Variants in TRAF3 observed in about 807,000 individuals in gnomAD.
The protein encoded by TRAF3 is TNF receptor-associated factor 3.
Under a neutral mutation model 62.3 loss-of-function variants are expected in TRAF3, and 13 were observed. The observed-to-expected ratio is 0.21, with a 90% CI of 0.14 to 0.33. TRAF3 has a LOEUF of 0.33. Ranked by LOEUF, TRAF3 falls within the 10% of genes least tolerant of loss-of-function variation. The probability of loss-of-function intolerance (pLI) is 1.00; values close to 1 mark genes in which losing one functional copy is unlikely to be tolerated. For synonymous variants in TRAF3, 269 were observed against 283.4 expected (o/e 0.95, Z 0.51); for missense variants, 440 against 741.8 (o/e 0.59, Z 4.73).
intron 1 of TRAF3, among the ~76,000 whole-genome samples, chr14:102,818,474 C>T (rs1899678864): frequency 6.6e-6 from 1 of 152,178 alleles, no homozygotes; most frequent in Non-Finnish European, 1.5e-5. Flanking sequence ...GATCAGGTGG[C>T]TGAGGCCTGG....
Position 102,907,052 on chromosome 14 carries a change from C to A in TRAF3, c.*1268C>A, listed in dbSNP as rs796600704. 1.1e-4 allele frequency: 17 copies of A among 152,364 alleles called. No homozygotes were observed. Among genetic ancestry groups the A allele is most frequent in the African/African-American group, 4.1e-4 (17 of 41,586 alleles). 9.4% of individuals were successfully genotyped at this position (152,364 alleles called of 1,614,324 possible). ...ACCTCTGCACCTGCTGAGGGGAAGC[C>A]AGGCTCCACCGTCGGCTTCTGGAGC... is the stretch of plus-strand genomic sequence containing the variant. On this transcript the variant is annotated 3_prime_UTR_variant, in exon 12 of 12. Transcript: ENST00000392745.
intron 9 of TRAF3, chr14:102,894,965 G>A (rs2139963231): frequency 5.1e-6 from 2 of 392,040 alleles, no homozygotes; most frequent in East Asian, 8.0e-5. Flanking sequence ...GCCTTCCAAA[G>A]TGCTGAGACT....
At chr14:102,835,023 C>T (rs1566764214) in intron 2 of TRAF3, among the ~76,000 whole-genome samples, 1 of 151,924 alleles carries the variant, frequency 6.6e-6, no homozygotes, top group Non-Finnish European at 1.5e-5. Context: ...TAATATCCAG[C>T]ATCTATAAGG....
chr14:102,854,614 C>T (rs59205498), intron 2 of TRAF3, among the ~76,000 whole-genome samples: 9,769 of 152,156 alleles, frequency 0.064, 1,016 homozygotes, highest in African/African-American at 0.22. Flanking sequence ...ATTCCCACCT[C>T]AGCCCCCCAG....
intron 2 of TRAF3, among the ~76,000 whole-genome samples, chr14:102,863,208 C>T (rs1887782252): frequency 6.6e-6 from 1 of 152,138 alleles, no homozygotes; most frequent in Non-Finnish European, 1.5e-5. Context: ...AAAACTGGAA[C>T]TTTTGAATTT....
rs1566815255 is a variant in TRAF3 at position 102,907,822 on chromosome 14, C to T, written c.*2038C>T. The T allele has an allele frequency of 6.6e-6, 1 of 152,426 alleles. No homozygotes were observed. Among genetic ancestry groups the T allele is most frequent in the Admixed American group, 6.5e-5 (1 of 15,292 alleles). The allele number at this position is 152,426 out of a possible 1,614,324, so 9.4% of individuals were successfully genotyped here. ...CGTTCCGTTGTTCTTATCTGCCTTT[C>T]CTTTCCCCGCTCTCCTGGGATTACT... On this transcript the variant is annotated 3_prime_UTR_variant, in exon 12 of 12. Coordinates refer to ENST00000392745, the MANE Select transcript of TRAF3 (RefSeq NM_145725.3).
rs1900705948 is a variant in TRAF3, at chr14:102,831,780, C to G, written c.-18+1308C>G. On this transcript the variant is annotated intron_variant, in intron 2 of 11. Coordinates refer to ENST00000392745, the MANE Select transcript of TRAF3 (RefSeq NM_145725.3). Reference sequence around the variant, plus strand: ...TTTTGGCCTGGGATTTTGAGAATATCTAATAGTGCTGGGCAGTTTTATCAT... The same window carrying G: ...TTTTGGCCTGGGATTTTGAGAATATGTAATAGTGCTGGGCAGTTTTATCAT... 2.0e-5 allele frequency among the ~76,000 whole-genome samples: 3 copies of G among 152,088 alleles called. No homozygotes were observed. In the South Asian group the frequency reaches 6.2e-4, roughly 31 times the overall value.
At chr14:102,784,550 G>C (rs367871538) in intron 1 of TRAF3, among the ~76,000 whole-genome samples, 1 of 152,190 alleles carries the variant, frequency 6.6e-6, no homozygotes, top group African/African-American at 2.4e-5. Context: ...TCCAGCTAGG[G>C]TCAATTGAGA....
Position 102,846,229 on chromosome 14 carries a change from A to C in TRAF3, c.-18+15757A>C, listed in dbSNP as rs568798752. Among the ~76,000 whole-genome samples, 27 of 152,254 alleles carry C rather than the reference A, an allele frequency of 1.8e-4. No individual in the cohort carries two copies. In the South Asian group the frequency reaches 5.6e-3, roughly 32 times the overall value. ...AAAGTGATTGAGATAGCTGTACCAG[A>C]AAAATCTTAAGTCGTGTTTATATTT... is the stretch of plus-strand genomic sequence containing the variant. On this transcript the variant is annotated intron_variant, in intron 2 of 11. Transcript: ENST00000392745.
chr14:102,899,168 G>GT (rs1280325919), intron 10 of TRAF3, among the ~76,000 whole-genome samples: 1 of 152,226 alleles, frequency 6.6e-6, no homozygotes, highest in Non-Finnish European at 1.5e-5. Context: ...CAACCGTGTG[G>GT]TTTTTTGAAA....
intron 10 of TRAF3, among the ~76,000 whole-genome samples, chr14:102,901,834 C>G (rs1418685016): frequency 6.6e-6 from 1 of 152,228 alleles, no homozygotes; most frequent in African/African-American, 2.4e-5. Flanking sequence ...AAATAGACTT[C>G]CAAAAGGAGA....
At chr14:102,870,561 C>G in intron 3 of TRAF3, 115 bp downstream of exon 3, 2 of 1,406,984 alleles carry the variant, frequency 1.4e-6, no homozygotes, top group African/African-American at 2.9e-5. Flanking sequence ...CTAAAGAAGT[C>G]CATAAAAGCC....
chr14:102,801,719 A>G (rs1461004156), intron 1 of TRAF3, among the ~76,000 whole-genome samples: 1 of 151,998 alleles, frequency 6.6e-6, no homozygotes, highest in Non-Finnish European at 1.5e-5. Flanking sequence ...AAAATTTTTA[A>G]TTAAAAAAAT....
intron 2 of TRAF3, among the ~76,000 whole-genome samples, chr14:102,852,036 C>T (rs900299451): frequency 6.0e-5 from 9 of 150,844 alleles, no homozygotes; most frequent in East Asian, 3.9e-4. Flanking sequence ...GCCTGGGTGA[C>T]GGCAAGAAAA....
chr14:102,883,500 G>A (rs977407394), intron 6 of TRAF3, among the ~76,000 whole-genome samples: 9 of 152,210 alleles, frequency 5.9e-5, no homozygotes, highest in African/African-American at 1.9e-4. Context: ...GGAGAGGTAG[G>A]TGCAGAAGAT....
At chr14:102,885,515 C>G (rs912807212) in intron 6 of TRAF3, among the ~76,000 whole-genome samples, 5 of 152,190 alleles carry the variant, frequency 3.3e-5, no homozygotes, top group African/African-American at 1.2e-4. Flanking sequence ...CATGGACAGG[C>G]ACCCAGCAGG....
intron 2 of TRAF3, among the ~76,000 whole-genome samples, chr14:102,831,159 GGT>G (rs1227509295): frequency 2.0e-5 from 3 of 152,104 alleles, no homozygotes; most frequent in Non-Finnish European, 4.4e-5. Flanking sequence ...ACCTGGGCTG[GGT>G]GTGTGGCCTC....
chr14:102,827,875 A>G (rs1364230027), intron 1 of TRAF3, among the ~76,000 whole-genome samples: 1 of 152,228 alleles, frequency 6.6e-6, no homozygotes, highest in African/African-American at 2.4e-5. Context: ...TGCTGCCCAC[A>G]GAGGACCTGG....
At chr14:102,807,063 C>T (rs1365026498) in intron 1 of TRAF3, among the ~76,000 whole-genome samples, 4 of 152,198 alleles carry the variant, frequency 2.6e-5, no homozygotes, top group Non-Finnish European at 4.4e-5. Context: ...GGCAAGCCTT[C>T]TGCTGATGCC....
Sources: allele counts gnomAD v4.1 joint callset (sites outside exome capture counted in the v4.1 genomes callset), GRCh38; gene constraint gnomAD v4.1.1; transcripts MANE v1.5; gene names NCBI Gene and HGNC (gene_info 2026-07-23, HGNC 2026-07-21).